Variants in NCALD observed in about 807,000 individuals in gnomAD.
NCALD encodes neurocalcin delta.
A neutral mutation model predicts 18.6 loss-of-function variants in NCALD; 10 were observed. The observed-to-expected ratio is 0.54, with a 90% CI of 0.33 to 0.91. NCALD has a LOEUF of 0.91. NCALD is among the 40% of genes least tolerant of loss of function. NCALD has a pLI of 0.03. For missense variants in NCALD, 184 were observed against 247.6 expected (o/e 0.74, Z 1.72); for synonymous variants, 88 against 87.4 (o/e 1.01, Z -0.04).
At chr8:102,061,391 C>T (rs1823844557) in intron 1 of NCALD, among the ~76,000 whole-genome samples, 1 of 152,092 alleles carries the variant, frequency 6.6e-6, no homozygotes. Context: ...AGTTGGTCAC[C>T]AAAGCAAAAA....
At chr8:102,083,945 C>T (rs1318287683) in intron 1 of NCALD, among the ~76,000 whole-genome samples, 1 of 152,220 alleles carries the variant, frequency 6.6e-6, no homozygotes, top group East Asian at 1.9e-4. Context: ...GGGTATGTAA[C>T]CTTGTGCATC....
intron 4 of NCALD, among the ~76,000 whole-genome samples, chr8:101,796,769 C>T (rs1271204182): frequency 1.3e-5 from 2 of 152,078 alleles, no homozygotes; most frequent in African/African-American, 4.8e-5. Context: ...AAGAAATTTT[C>T]AAAACTTACA....
chr8:101,965,824 T>C lies in NCALD; in HGVS notation c.-156-49966A>G, dbSNP rs114743009. 9.3e-3 allele frequency among the ~76,000 whole-genome samples: 1,409 copies of C among 152,298 alleles called. 16 individuals are homozygous for C. Among genetic ancestry groups the C allele is most frequent in the Middle Eastern group, 0.027 (8 of 294 alleles). On this transcript the variant is annotated intron_variant, in intron 2 of 6. Coordinates refer to the NCALD transcript ENST00000311028. Reference sequence around the variant, plus strand: ...AGATTGAAAGTAAAAACACTTATTTTTGGAAATGATTTTCTATTGCCTAAA... The same window carrying C: ...AGATTGAAAGTAAAAACACTTATTTCTGGAAATGATTTTCTATTGCCTAAA...
intron 2 of NCALD, among the ~76,000 whole-genome samples, chr8:101,700,305 C>T (rs898816910): frequency 2.0e-5 from 3 of 152,178 alleles, no homozygotes; most frequent in Non-Finnish European, 4.4e-5. Context: ...CTTCCTGCCT[C>T]AGTCTCCCAA....
At chr8:101,828,461 A>G (rs1019439281) in intron 4 of NCALD, among the ~76,000 whole-genome samples, 1 of 151,214 alleles carries the variant, frequency 6.6e-6, no homozygotes, top group African/African-American at 2.4e-5. Flanking sequence ...TGCAGTTCTC[A>G]CTCTCTCACC....
chr8:101,847,274 C>T lies in NCALD; in HGVS notation c.-20+39867G>A, dbSNP rs7830029. ...CAAGTCAGGTCAGACAGGTAATGTGCCAATGTCGTAACAAGGTTCAGAGGG... is the reference window on the plus strand; with the variant it reads ...CAAGTCAGGTCAGACAGGTAATGTGTCAATGTCGTAACAAGGTTCAGAGGG... On this transcript the variant is annotated intron_variant, in intron 4 of 6. Coordinates refer to the NCALD transcript ENST00000311028. The T allele has an allele frequency of 1.7e-3, 406 of 240,956 alleles. 2 individuals carry two copies. Among genetic ancestry groups the T allele is most frequent in the African/African-American group, 7.8e-3 (342 of 43,960 alleles). The allele number at this position is 240,956 out of a possible 1,614,324, so 14.9% of individuals were successfully genotyped here.
intron 2 of NCALD, among the ~76,000 whole-genome samples, chr8:102,011,599 T>C (rs1463718465): frequency 6.6e-6 from 1 of 152,198 alleles, no homozygotes; most frequent in Non-Finnish European, 1.5e-5. Flanking sequence ...ATCTTATGTA[T>C]AAAACTTTCC....
chr8:101,985,080 C>G (rs1449807622), intron 2 of NCALD, among the ~76,000 whole-genome samples: 2 of 152,194 alleles, frequency 1.3e-5, no homozygotes, highest in African/African-American at 4.8e-5. Context: ...AAAGCACAAC[C>G]CAAGTTACTC....
At chr8:102,044,890 C>G (rs565428453) in intron 1 of NCALD, among the ~76,000 whole-genome samples, 2 of 152,222 alleles carry the variant, frequency 1.3e-5, no homozygotes, top group South Asian at 4.1e-4. Context: ...GGGATGCTAG[C>G]AGGACCACTA....
At chr8:101,745,430 G>C (rs947224195) in intron 1 of NCALD, among the ~76,000 whole-genome samples, 13 of 152,266 alleles carry the variant, frequency 8.5e-5, no homozygotes, top group African/African-American at 3.1e-4. Flanking sequence ...CTCATACTGT[G>C]TCAGGTTTTC....
At chr8:101,999,391 C>T (rs1449278723) in intron 2 of NCALD, among the ~76,000 whole-genome samples, 1 of 152,120 alleles carries the variant, frequency 6.6e-6, no homozygotes, top group African/African-American at 2.4e-5. Flanking sequence ...GAATTGGAGA[C>T]CATTATTCTA....
chr8:101,908,460 C>T (rs781732257), intron 3 of NCALD, among the ~76,000 whole-genome samples: 1 of 152,164 alleles, frequency 6.6e-6, no homozygotes, highest in East Asian at 1.9e-4. Context: ...TTTTGGAGAA[C>T]CACAAACCAC....
chr8:102,079,257 T>C (rs1032600280), intron 1 of NCALD, among the ~76,000 whole-genome samples: 1 of 152,220 alleles, frequency 6.6e-6, no homozygotes, highest in Non-Finnish European at 1.5e-5. Flanking sequence ...GACCAGACAC[T>C]GCAGAGCTAC....
chr8:101,973,648 C>A (rs1207678226), intron 2 of NCALD, among the ~76,000 whole-genome samples: 1 of 152,082 alleles, frequency 6.6e-6, no homozygotes, highest in Non-Finnish European at 1.5e-5. Flanking sequence ...GGTGGGTTCA[C>A]ACAGAAAACA....
chr8:101,775,632 C>G (rs565628699), intron 1 of NCALD, among the ~76,000 whole-genome samples: 4 of 152,116 alleles, frequency 2.6e-5, no homozygotes, highest in Admixed American at 1.3e-4. Context: ...AACCAAGAGC[C>G]CTGGGGGATC....
chr8:102,038,338 A>C (rs1822940030), intron 1 of NCALD, among the ~76,000 whole-genome samples: 1 of 152,210 alleles, frequency 6.6e-6, no homozygotes, highest in Non-Finnish European at 1.5e-5. Flanking sequence ...AGAGGCAATA[A>C]TTATATTCTC....
At chr8:101,999,589 C>T (rs1249071566) in intron 2 of NCALD, among the ~76,000 whole-genome samples, 1 of 151,966 alleles carries the variant, frequency 6.6e-6, no homozygotes, top group Non-Finnish European at 1.5e-5. Context: ...GTGATGGGTG[C>T]ACCAAAATCT....
chr8:101,768,388 AGGG>A (rs1433325921), intron 1 of NCALD, among the ~76,000 whole-genome samples: 1 of 75,420 alleles, frequency 1.3e-5, no homozygotes, highest in Admixed American at 1.3e-4. Flanking sequence ...GAGTTGTAGG[AGGG>A]CGGCCAATGA....
intron 3 of NCALD, among the ~76,000 whole-genome samples, chr8:101,894,979 T>C (rs368886675): frequency 0.058 from 8,777 of 150,242 alleles, 908 homozygotes; most frequent in African/African-American, 0.2. Context: ...CTCCAATCAA[T>C]AGAAAAAGAG....
Sources: allele counts gnomAD v4.1 joint callset (sites outside exome capture counted in the v4.1 genomes callset), GRCh38; gene constraint gnomAD v4.1.1; transcripts MANE v1.5; gene names NCBI Gene and HGNC (gene_info 2026-07-23, HGNC 2026-07-21).